The following OPCML variants were observed in gnomAD, a reference collection of about 807,000 sequenced individuals.
OPCML encodes the protein opioid binding protein/cell adhesion molecule like, also known as opioid-binding protein/cell adhesion molecule.
Under a neutral mutation model 37.8 loss-of-function variants are expected in OPCML, and 13 were observed. That is an observed-to-expected ratio of 0.34 (90% CI 0.22 to 0.55). The LOEUF (loss-of-function observed/expected upper bound fraction) is 0.55, where lower values mean the gene tolerates loss of function less well. Among genes scored for constraint, OPCML ranks in the 20% least tolerant of loss-of-function variants. The probability of loss-of-function intolerance (pLI) is 0.91; values close to 1 mark genes in which losing one functional copy is unlikely to be tolerated. For synonymous variants in OPCML, 176 were observed against 168.8 expected, an observed-to-expected ratio of 1.04 and a Z score of -0.33; for missense variants, 341 against 435.6, an observed-to-expected ratio of 0.78 and a Z score of 1.93.
chr11:133,006,570 G>A (rs1454222654), intron 1 of OPCML: 2 of 985,236 alleles, frequency 2.0e-6, no homozygotes, highest in African/African-American at 1.7e-5. Context: ...TTTGCTATAG[G>A]GTGCTGTTGA....
At chr11:133,121,355 T>C (rs1346813635) in intron 1 of OPCML, among the ~76,000 whole-genome samples, 1 of 152,208 alleles carries the variant, frequency 6.6e-6, no homozygotes, top group Non-Finnish European at 1.5e-5. Context: ...TCAAAACCTA[T>C]GTTATTTACT....
chr11:133,417,467 A>T (rs999100015), intron 1 of OPCML, among the ~76,000 whole-genome samples: 1 of 151,196 alleles, frequency 6.6e-6, no homozygotes, highest in East Asian at 1.9e-4. Context: ...GGATTCTTTT[A>T]TTTATTTATT....
chr11:133,006,640 C>T (rs1162713911), intron 1 of OPCML: 1 of 985,322 alleles, frequency 1.0e-6, no homozygotes, highest in Admixed American at 6.1e-5. Context: ...AAACTCACAC[C>T]ATCTGGAAGG....
chr11:132,599,295 A>G (rs113013951), intron 3 of OPCML, among the ~76,000 whole-genome samples: 17,002 of 150,982 alleles, frequency 0.11, 1,660 homozygotes, highest in African/African-American at 0.24. Context: ...CAAAAATAAA[A>G]ACTATGAAAA....
chr11:132,982,076 C>T (rs1400001523), intron 1 of OPCML, among the ~76,000 whole-genome samples: 3 of 152,062 alleles, frequency 2.0e-5, no homozygotes, highest in Non-Finnish European at 4.4e-5. Flanking sequence ...CGAATACGGG[C>T]CCTTAAGCTT....
At chr11:133,484,870 A>C (rs950969649) in intron 1 of OPCML, among the ~76,000 whole-genome samples, 2 of 152,254 alleles carry the variant, frequency 1.3e-5, no homozygotes, top group Admixed American at 1.3e-4. Context: ...TTATATACTT[A>C]ACAGTTGTTA....
At chr11:132,619,606 G>A (rs1217692955) in intron 3 of OPCML, among the ~76,000 whole-genome samples, 2 of 151,416 alleles carry the variant, frequency 1.3e-5, no homozygotes, top group African/African-American at 2.4e-5. Flanking sequence ...TTGGGAGGCC[G>A]AGGCAGACGG....
At chr11:132,861,505 C>T (rs1942298508) in intron 2 of OPCML, among the ~76,000 whole-genome samples, 1 of 152,160 alleles carries the variant, frequency 6.6e-6, no homozygotes, top group South Asian at 2.1e-4. Flanking sequence ...GTATGTGTCT[C>T]ACTTTGTCTG....
chr11:133,396,053 A>G (rs1474578424), intron 1 of OPCML, among the ~76,000 whole-genome samples: 1 of 152,070 alleles, frequency 6.6e-6, no homozygotes, highest in Non-Finnish European at 1.5e-5. Context: ...GTCCTTTTCA[A>G]TGTCTTTCGC....
chr11:132,865,087 G>A (rs1306922010), intron 2 of OPCML, among the ~76,000 whole-genome samples: 2 of 152,204 alleles, frequency 1.3e-5, no homozygotes, highest in South Asian at 2.1e-4. Context: ...GATGCAGGCA[G>A]GTCATTCTTT....
intron 1 of OPCML, among the ~76,000 whole-genome samples, chr11:133,031,955 A>G (rs1292857227): frequency 6.6e-6 from 1 of 152,216 alleles, no homozygotes; most frequent in African/African-American, 2.4e-5. Context: ...TTTTCTGTAC[A>G]TTAACTCATT....
At chr11:133,236,064 G>A (rs139130588) in intron 1 of OPCML, among the ~76,000 whole-genome samples, 7 of 152,036 alleles carry the variant, frequency 4.6e-5, no homozygotes, top group African/African-American at 9.7e-5. Flanking sequence ...TTTTGGATTC[G>A]GCACAGTAAA....
intron 1 of OPCML, among the ~76,000 whole-genome samples, chr11:133,086,245 T>TTACA (rs147380341): frequency 0.019 from 2,880 of 152,304 alleles, 86 homozygotes; most frequent in African/African-American, 0.066. Context: ...AAAAGGGATA[T>TTACA]TACAGTCAAG....
rs547387279 is a variant in OPCML at position 133,198,051 on chromosome 11, C to G, written c.62-255041G>C. Among the ~76,000 whole-genome samples the G allele has an allele frequency of 2.6e-5, 4 of 152,232 alleles. No homozygotes were observed. The East Asian group carries it at 7.7e-4, about 29-fold the overall frequency. On this transcript the variant is annotated intron_variant, in intron 1 of 7. Coordinates refer to ENST00000524381, the MANE Select transcript of OPCML (RefSeq NM_001012393.5). ...CCCCTGTGTAAGGTCCACACTTCTA[C>G]GCTAGCAGAAAATAAATGAAATGAT...
chr11:133,500,110 T>C (rs1347928822), intron 1 of OPCML, among the ~76,000 whole-genome samples: 1 of 152,084 alleles, frequency 6.6e-6, no homozygotes, highest in Non-Finnish European at 1.5e-5. Context: ...GACCTCATGA[T>C]CCATCCACCT....
intron 1 of OPCML, among the ~76,000 whole-genome samples, chr11:133,228,605 G>C (rs1348383699): frequency 6.6e-6 from 1 of 152,190 alleles, no homozygotes; most frequent in Non-Finnish European, 1.5e-5. Context: ...GGGCCTCCCC[G>C]TCCTAGAGCT....
At chr11:132,422,571 C>T (rs559420894) in intron 7 of OPCML, among the ~76,000 whole-genome samples, 2 of 152,296 alleles carry the variant, frequency 1.3e-5, no homozygotes, top group East Asian at 3.9e-4. Context: ...CACACGTTCA[C>T]ACCGTGCTCT....
At chr11:133,081,373 G>C (rs73590506) in intron 1 of OPCML, among the ~76,000 whole-genome samples, 1 of 152,140 alleles carries the variant, frequency 6.6e-6, no homozygotes, top group Non-Finnish European at 1.5e-5. Flanking sequence ...CACAGATTCC[G>C]CAACTTAGGA....
chr11:132,998,574 G>A (rs1008146071), intron 1 of OPCML, among the ~76,000 whole-genome samples: 11 of 152,078 alleles, frequency 7.2e-5, no homozygotes, highest in African/African-American at 1.9e-4. Context: ...TCATGTTGTC[G>A]TTAGGCATAA....
Sources: allele counts gnomAD v4.1 joint callset (sites outside exome capture counted in the v4.1 genomes callset), GRCh38; gene constraint gnomAD v4.1.1; transcripts MANE v1.5; gene names NCBI Gene and HGNC (gene_info 2026-07-23, HGNC 2026-07-21).